ALDH16A1: variants seen among roughly 807,000 people sequenced by gnomAD.
ALDH16A1 encodes the protein aldehyde dehydrogenase family 16 member A1.
Under a neutral mutation model 96.1 loss-of-function variants are expected in ALDH16A1, and 88 were observed. The observed-to-expected ratio is 0.92, with a 90% confidence interval of 0.77 to 1.09. The LOEUF is 1.09. Among genes scored for constraint, ALDH16A1 ranks in the 50% least tolerant of loss-of-function variants. The pLI is 0.00. For synonymous variants in ALDH16A1, 522 were observed against 496.4 expected (o/e 1.05, Z -0.69); for missense variants, 1,250 against 1,112.6 (o/e 1.12, Z -1.76).
At chr19:49,469,072 A>G in intron 16 of ALDH16A1, 86 bp downstream of exon 16, 2 of 1,513,612 alleles carry the variant, frequency 1.3e-6, no homozygotes, top group Non-Finnish European at 1.8e-6. Context: ...CCGCCCTCTT[A>G]GAACTCCTGT....
intron 1 of ALDH16A1, among the ~76,000 whole-genome samples, chr19:49,454,707 A>C (rs2079094401): frequency 1.3e-5 from 2 of 152,198 alleles, no homozygotes; most frequent in Non-Finnish European, 2.9e-5. Context: ...AGTGGAAGGA[A>C]CTGGATCAGA....
rs755916881 is a variant in ALDH16A1 at position 49,460,853 on chromosome 19, C to T, written c.531C>T (p.Phe177=). 5.8e-5 allele frequency: 94 copies of T among 1,613,568 alleles called. No individual in the cohort carries two copies. The Admixed American group carries it at 7.8e-4, about 13-fold the overall frequency. Residue 177 remains phenylalanine (F), a synonymous_variant, in exon 5 of 17, where the codon TTC becomes TTT. Transcript: ENST00000293350. ...GVIGLILPPT[F]SFLEMMWRIC... is the part of the protein sequence containing the mutation. ...TTGGCCTCATCCTGCCACCCACATT[C>T]TCCTTCCTTGAGATGATGTGGAGGA...
chr19:49,458,296 T>C (rs1265558111), intron 1 of ALDH16A1, among the ~76,000 whole-genome samples, 190 bp from the exon 2 acceptor site: 1 of 152,180 alleles, frequency 6.6e-6, no homozygotes, highest in Non-Finnish European at 1.5e-5. Flanking sequence ...AGAATGCCAC[T>C]AAACTGCTGA....
At chr19:49,466,031 G>C in intron 13 of ALDH16A1, 51 bp from the exon 14 acceptor site, 1 of 1,537,590 alleles carries the variant, frequency 6.5e-7, no homozygotes, top group Non-Finnish European at 8.7e-7. Flanking sequence ...TGGGGTGTCA[G>C]GAGAGCCAAG....
rs1036143120 is a variant in ALDH16A1, at chr19:49,466,096, C to G, written c.1751C>G (p.Ser584Cys). 1.3e-6 allele frequency: 2 copies of G among 1,544,942 alleles called. No homozygotes were observed. The highest frequency in any genetic ancestry group is 2.7e-5 in the African/African-American group (2 of 73,470). ...TCTGCCCACAGCTGGGCGGGCCAGT[C>G]CCCAGGAGCCCGGGCAGCCCTGCTG... ...HQAFPGWAGQ[S>C]PGARAALLWA... The change falls in exon 14 of 17, where the codon TCC becomes TGC. Residue 584 changes from serine to cysteine, a missense_variant. Transcript: ENST00000293350.
Position 49,468,168 on chromosome 19 carries a change from A to G in ALDH16A1, c.1939-213A>G. 1 of 540,232 alleles carries G rather than the reference A, an allele frequency of 1.9e-6. No homozygotes were observed. The highest frequency in any genetic ancestry group is 3.3e-6 in the Non-Finnish European group (1 of 306,906). The allele number at this position is 540,232 out of a possible 1,614,324, so 33.5% of individuals were successfully genotyped here. ...GAGTGAGAGTCCGTCTCAAAAAAAA[A>G]AAAAAAGAAAGGCGGTTATGCAGGA... On this transcript the variant is annotated intron_variant, in intron 14 of 16. Transcript: ENST00000293350. The surrounding 1 kb of genome is among the most constrained non-coding windows in gnomAD (Gnocchi z 4.4).
intron 1 of ALDH16A1, 131 bp downstream of exon 1, chr19:49,453,552 C>T: frequency 2.3e-6 from 2 of 881,088 alleles, no homozygotes; most frequent in South Asian, 3.3e-5. Context: ...TGATTCCCGC[C>T]GCCCAATAGG....
Position 49,461,907 on chromosome 19 carries a change from C to A in ALDH16A1, c.783C>A (p.Ser261Arg). ...AGGAAGGGCGTGCCCTTCGACGGAGCCTGGCGGGAGAGTGTGCGGAGCTGG... is the reference window on the plus strand; with the variant it reads ...AGGAAGGGCGTGCCCTTCGACGGAGACTGGCGGGAGAGTGTGCGGAGCTGG... ...APEEGRALRR[S>R]LAGECAELGL... Residue 261 changes from serine (S) to arginine (R), a missense_variant, in exon 7 of 17, where the codon AGC becomes AGA. By Grantham distance (110) the Ser-to-Arg change is moderately radical. Transcript: ENST00000293350. 6.3e-7 allele frequency: 1 copy of A among 1,581,872 alleles called. No individual in the cohort carries two copies. The highest frequency in any genetic ancestry group is 1.3e-5 in the African/African-American group (1 of 74,168).
At chr19:49,464,039 A>T (rs2079176184) in intron 9 of ALDH16A1, 88 bp from the exon 10 acceptor site, 1 of 1,575,850 alleles carries the variant, frequency 6.3e-7, no homozygotes, top group Non-Finnish European at 8.6e-7. Flanking sequence ...TAACCATGTG[A>T]CCTGGGCGTG....
intron 1 of ALDH16A1, among the ~76,000 whole-genome samples, chr19:49,456,969 A>G (rs1181750248): frequency 6.6e-6 from 1 of 152,040 alleles, no homozygotes; most frequent in Non-Finnish European, 1.5e-5. Context: ...TTAGCTGGGC[A>G]TGGTGGCGGC....
Position 49,459,612 on chromosome 19 carries a change from A to G in ALDH16A1, c.321-58A>G, listed in dbSNP as rs2079125760. On this transcript the variant is annotated intron_variant, in intron 3 of 16. Coordinates refer to ENST00000293350, the MANE Select transcript of ALDH16A1 (RefSeq NM_153329.4). This position sits in a 1 kb window ranked among gnomAD's most constrained non-coding sequence, Gnocchi z 4.1. ...TAGTCCAGGTATATAGGAGCAGCCC[A>G]GGACTCTGCAAGGCTGAGGGCCGTT... 2.6e-6 allele frequency: 4 copies of G among 1,543,148 alleles called. No individual in the cohort carries two copies. The East Asian group carries it at 6.8e-5, about 26-fold the overall frequency.
intron 16 of ALDH16A1, chr19:49,469,918 A>G: frequency 5.9e-6 from 1 of 169,674 alleles, no homozygotes; most frequent in South Asian, 1.5e-4. Flanking sequence ...GTCTCGCCAT[A>G]TTGTCCAGGC....
At position 49,465,771 on chromosome 19, in the gene ALDH16A1, C is replaced by A; in HGVS notation, c.1602C>A (p.Gly534=). ...PAPPYGLFVG[G]RFQAPGARSS... ...CCCCCTATGGGCTCTTCGTTGGGGG[C>A]CGTTTCCAGGCTCCTGGGGCCCGAA... Residue 534 remains glycine (G), a synonymous_variant, in exon 13 of 17, where the codon GGC becomes GGA. Transcript: ENST00000293350. 1 of 1,614,006 alleles carries A rather than the reference C, an allele frequency of 6.2e-7. No homozygotes were observed. The highest frequency in any genetic ancestry group is 8.5e-7 in the Non-Finnish European group (1 of 1,179,938).
chr19:49,469,106 CAAG>C (rs759260127), intron 16 of ALDH16A1, 120 bp downstream of exon 16: 52 of 1,436,118 alleles, frequency 3.6e-5, no homozygotes, highest in Non-Finnish European at 4.5e-5. Context: ...AACTCCTTGA[CAAG>C]AAGGTTTTGA....
At position 49,470,515 on chromosome 19, in the gene ALDH16A1, G is replaced by A; in HGVS notation, c.*48G>A. 6.9e-7 allele frequency: 1 copy of A among 1,458,956 alleles called. No homozygotes were observed. Among genetic ancestry groups the A allele is most frequent in the Non-Finnish European group, 9.0e-7 (1 of 1,105,358 alleles). The allele number at this position is 1,458,956 out of a possible 1,614,324, so 90.4% of individuals were successfully genotyped here. ...TTTTGGACACCTCACACCAAGGGGA[G>A]ATGCACCCCACAGACACCTGGGACT... is the stretch of plus-strand genomic sequence containing the variant. On this transcript the variant is annotated 3_prime_UTR_variant, in exon 17 of 17. Coordinates refer to ENST00000293350, the MANE Select transcript of ALDH16A1 (RefSeq NM_153329.4).
chr19:49,456,036 G>T (rs1950122322), intron 1 of ALDH16A1, among the ~76,000 whole-genome samples: 1 of 152,182 alleles, frequency 6.6e-6, no homozygotes, highest in African/African-American at 2.4e-5. Context: ...TCTTTTCCAT[G>T]AATCGTTAAG....
chr19:49,468,195 G>T lies in ALDH16A1; in HGVS notation c.1939-186G>T. ...AAAAAGAAAGGCGGTTATGCAGGAT[G>T]TTTCTCACCGCCCGAACCCCCGTGG... On this transcript the variant is annotated intron_variant, in intron 14 of 16. Coordinates refer to ENST00000293350, the MANE Select transcript of ALDH16A1 (RefSeq NM_153329.4). The surrounding 1 kb of genome is among the most constrained non-coding windows in gnomAD (Gnocchi z 4.4). 2 of 564,126 alleles carry T rather than the reference G, an allele frequency of 3.5e-6. No individual in the cohort carries two copies. Among genetic ancestry groups the T allele is most frequent in the Admixed American group, 3.2e-5 (1 of 31,148 alleles). The allele number at this position is 564,126 out of a possible 1,614,324, so 34.9% of individuals were successfully genotyped here.
rs140656618 is a variant in ALDH16A1, at chr19:49,462,691, G to C, written c.1034G>C (p.Arg345Pro). The C allele has an allele frequency of 3.4e-5, 55 of 1,607,472 alleles. No homozygotes were observed. The highest frequency in any genetic ancestry group is 6.6e-5 in the South Asian group (6 of 90,586). The change falls in exon 8 of 17, where the codon CGG becomes CCG. Residue 345 changes from arginine (R) to proline (P), a missense_variant. Coordinates refer to ENST00000293350, the MANE Select transcript of ALDH16A1 (RefSeq NM_153329.4). ...GATGGGGCCGTGGACATGGGGGCCC[G>C]GGGGGCTGCCGCATGTGACCTGGTC... is the stretch of plus-strand genomic sequence containing the variant. ...GLDGAVDMGA[R>P]GAAACDLVQR...
At position 49,468,474 on chromosome 19, in the gene ALDH16A1, G is replaced by A. The variant is rs766785153; in HGVS notation, c.2032G>A (p.Val678Met). ...CPDEWPLLAFVSLLAPALAYG... is the reference protein window; with the variant it reads ...CPDEWPLLAFMSLLAPALAYG... The stretch of plus-strand genomic sequence containing the variant: ...GGACGAGTGGCCCCTGCTTGCCTTC[G>A]TGTCCCTGCTGGCTCCCGCCCTGGC... The change falls in exon 15 of 17, where the codon GTG becomes ATG. Residue 678 changes from valine to methionine, a missense_variant. By Grantham distance (21) the Val-to-Met change is conservative (BLOSUM62 1). Transcript: ENST00000293350. This position sits in a 1 kb window ranked among gnomAD's most constrained non-coding sequence, Gnocchi z 4.4. 20 of 1,602,734 alleles carry A rather than the reference G, an allele frequency of 1.2e-5. No individual in the cohort carries two copies. Among genetic ancestry groups the A allele is most frequent in the Middle Eastern group, 1.7e-4 (1 of 5,976 alleles).
Sources: gnomAD v4.1 joint callset for allele counts (sites outside exome capture counted in the v4.1 genomes callset) on GRCh38, gnomAD v4.1.1 for gene constraint, Gnocchi (gnomAD v3.1) non-coding constraint, MANE v1.5 for transcripts, NCBI Gene and HGNC (gene_info 2026-07-23, HGNC 2026-07-21) for gene names.